TCF3: variants seen among roughly 807,000 people sequenced by gnomAD.
The protein encoded by TCF3 is transcription factor E2-alpha.
Under a neutral mutation model 72.3 loss-of-function variants are expected in TCF3, and 54 were observed. The observed-to-expected ratio is 0.75, with a 90% CI of 0.60 to 0.94. The LOEUF is 0.94. Among genes scored for constraint, TCF3 ranks in the 40% least tolerant of loss-of-function variants. TCF3 has a pLI of 0.00. For missense variants in TCF3, 1,078 were observed against 934.4 expected, an observed-to-expected ratio of 1.15 and a Z score of -2.00; for synonymous variants, 525 against 412.6, an observed-to-expected ratio of 1.27 and a Z score of -3.30.
intron 6 of TCF3, among the ~76,000 whole-genome samples, chr19:1,627,051 G>A (rs1456033962): frequency 6.6e-6 from 1 of 152,190 alleles, no homozygotes; most frequent in Non-Finnish European, 1.5e-5. Context: ...GCTCCCCAGG[G>A]GGTCCACACC....
chr19:1,613,405 C>A (rs2061237050), intron 18 of TCF3, among the ~76,000 whole-genome samples: 1 of 152,130 alleles, frequency 6.6e-6, no homozygotes, highest in South Asian at 2.1e-4. Flanking sequence ...TCTGGGAGCC[C>A]ACAGGGTAAC....
At chr19:1,619,953 C>T in intron 13 of TCF3, 100 bp from the exon 14 acceptor site, 1 of 1,087,778 alleles carries the variant, frequency 9.2e-7, no homozygotes, top group South Asian at 1.5e-5. Context: ...GCCTGTCCAG[C>T]CTCCGGTGAT....
rs902091591 is a variant in TCF3, at chr19:1,609,524, G to A, written c.*2183C>T. ...CAGGAACTGCTGTTTCTTCCTCCTC[G>A]CGCTGGGTGAATCTCGTTTGAATTC... On this transcript the variant is annotated 3_prime_UTR_variant, in exon 19 of 19. Coordinates refer to ENST00000262965, the MANE Select transcript of TCF3 (RefSeq NM_003200.5). 2.8e-5 allele frequency: 6 copies of A among 217,706 alleles called. No homozygotes were observed. The highest frequency in any genetic ancestry group is 6.7e-5 in the East Asian group (1 of 14,904). The allele number at this position is 217,706 out of a possible 1,614,324, so 13.5% of individuals were successfully genotyped here.
chr19:1,619,713 T>TCTCAA, intron 14 of TCF3, 67 bp downstream of exon 14: 1 of 1,207,580 alleles, frequency 8.3e-7, no homozygotes, highest in Non-Finnish European at 1.1e-6. Context: ...GGTTTCTCCT[T>TCTCAA]CTCAAGGAGC....
chr19:1,621,226 G>A (rs1020887645), intron 11 of TCF3, 35 bp from the exon 12 acceptor site: 22 of 1,527,754 alleles, frequency 1.4e-5, no homozygotes, highest in Non-Finnish European at 1.6e-5. Context: ...CACGCAGCCC[G>A]GCCTGGGTGC....
intron 3 of TCF3, among the ~76,000 whole-genome samples, chr19:1,635,009 T>A (rs1205299392): frequency 6.6e-6 from 1 of 152,172 alleles, no homozygotes; most frequent in East Asian, 1.9e-4. Context: ...TTCAGCTGCC[T>A]CTGCACAAGA....
chr19:1,646,896 G>C (rs539566967), intron 2 of TCF3, among the ~76,000 whole-genome samples: 1 of 152,238 alleles, frequency 6.6e-6, no homozygotes, highest in East Asian at 1.9e-4. Context: ...CTGACTCCTC[G>C]TTTCCTGTGT....
rs1599456100 is a variant in TCF3, at chr19:1,614,398, G to A, written c.1822+887C>T. ...CTGAGGTTGCAGCCCAGCCGCTCCC[G>A]GTGCTCGGGCAGCAAGTGCGAGGTG... is the stretch of plus-strand genomic sequence containing the variant. On this transcript the variant is annotated intron_variant, in intron 18 of 18. Coordinates refer to ENST00000262965, the MANE Select transcript of TCF3 (RefSeq NM_003200.5). This position sits in a 1 kb window ranked among gnomAD's most constrained non-coding sequence, Gnocchi z 5.6. 6.6e-6 allele frequency among the ~76,000 whole-genome samples: 1 copy of A among 152,210 alleles called. No homozygotes were observed. The highest frequency in any genetic ancestry group is 2.1e-4 in the South Asian group (1 of 4,834).
rs189057113 is a variant in TCF3 at position 1,642,966 on chromosome 19, C to T, written c.145+3389G>A. On this transcript the variant is annotated intron_variant, in intron 3 of 18. Transcript: ENST00000262965. ...ACAATCGCACGGACAGAGAAAGCGA[C>T]GGGGAAATGAAAAATAGGAAAGAAC... 7.2e-5 allele frequency among the ~76,000 whole-genome samples: 11 copies of T among 152,190 alleles called. No individual in the cohort carries two copies. In the East Asian group the frequency reaches 7.7e-4, roughly 11 times the overall value.
intron 7 of TCF3, 152 bp downstream of exon 7, chr19:1,625,424 C>T (rs1304991747): frequency 9.5e-7 from 1 of 1,054,198 alleles, no homozygotes; most frequent in Non-Finnish European, 1.3e-6. Flanking sequence ...CACCGTCCAT[C>T]CCTCCCACGG....
rs780296151 is a variant in TCF3 at position 1,614,642 on chromosome 19, T to C, written c.1822+643A>G. Among the ~76,000 whole-genome samples, 1 of 151,800 alleles carries C rather than the reference T, an allele frequency of 6.6e-6. No homozygotes were observed. The highest frequency in any genetic ancestry group is 1.5e-5 in the Non-Finnish European group (1 of 67,954). ...TGCAGGAGAGAAAGGGTTAACGGGG[T>C]GCAGGCGAGGAAAGGAAGGAGTTAA... On this transcript the variant is annotated intron_variant, in intron 18 of 18. Coordinates refer to ENST00000262965, the MANE Select transcript of TCF3 (RefSeq NM_003200.5). The surrounding 1 kb of genome is among the most constrained non-coding windows in gnomAD (Gnocchi z 5.6).
At position 1,652,436 on chromosome 19, in the gene TCF3, C is replaced by T. The variant is rs2067276138; in HGVS notation, c.-176G>A. 1.4e-5 allele frequency: 2 copies of T among 143,248 alleles called. No homozygotes were observed. Among genetic ancestry groups the T allele is most frequent in the African/African-American group, 2.5e-5 (1 of 40,040 alleles). The allele number at this position is 143,248 out of a possible 1,614,324, so 8.9% of individuals were successfully genotyped here. On this transcript the variant is annotated 5_prime_UTR_variant, in exon 1 of 19. Coordinates refer to ENST00000262965, the MANE Select transcript of TCF3 (RefSeq NM_003200.5). The stretch of plus-strand genomic sequence containing the variant: ...GGGCGGCGGCGGCGGCGCGCGTGGC[C>T]CGGGCCCCTCCCACCCCCGCGTGGC...
chr19:1,632,461 A>T, intron 3 of TCF3, 56 bp from the exon 4 acceptor site: 1 of 1,525,834 alleles, frequency 6.6e-7, no homozygotes, highest in Admixed American at 2.0e-5. Flanking sequence ...CAGCTCTAAA[A>T]GCTTCGGTTC....
chr19:1,648,988 C>A lies in TCF3; in HGVS notation c.72+1189G>T, dbSNP rs374669446. Among the ~76,000 whole-genome samples, 98 of 152,354 alleles carry A rather than the reference C, an allele frequency of 6.4e-4. 3 individuals carry two copies. The South Asian group carries it at 0.019, about 30-fold the overall frequency. On this transcript the variant is annotated intron_variant, in intron 2 of 18. Coordinates refer to ENST00000262965, the MANE Select transcript of TCF3 (RefSeq NM_003200.5). ...CGTCAGCGGCCGGTACCCCAGGGGG[C>A]TCCGGCATTCCAGCCTCACTGCACC...
rs759295960 is a variant in TCF3 at position 1,622,320 on chromosome 19, G to A, written c.645C>T (p.Tyr215=). ...TPSSTYPAPF[Y]VADGSLHPSA... is the part of the protein sequence containing the mutation. ...CCCCGCCCTGCCATGTACCTGCCACGTAGAAGGGGGCGGGATAGGTGCTGC... is the reference window on the plus strand; with the variant it reads ...CCCCGCCCTGCCATGTACCTGCCACATAGAAGGGGGCGGGATAGGTGCTGC... Residue 215 remains tyrosine (Y), a synonymous_variant, in exon 9 of 19, where the codon TAC becomes TAT. Coordinates refer to ENST00000262965, the MANE Select transcript of TCF3 (RefSeq NM_003200.5). 1.0e-5 allele frequency: 16 copies of A among 1,529,560 alleles called. No individual in the cohort carries two copies. The highest frequency in any genetic ancestry group is 1.0e-4 in the Admixed American group (5 of 49,866). 94.7% of individuals were successfully genotyped at this position (1,529,560 alleles called of 1,614,324 possible).
intron 3 of TCF3, among the ~76,000 whole-genome samples, chr19:1,633,950 C>T (rs1007105829): frequency 1.3e-5 from 2 of 152,180 alleles, no homozygotes; most frequent in Non-Finnish European, 2.9e-5. Context: ...TAGCCAGTAC[C>T]CCAGGAGGTG....
At position 1,625,660 on chromosome 19, in the gene TCF3, A is replaced by C; in HGVS notation, c.415T>G (p.Ser139Ala). 2.6e-6 allele frequency: 4 copies of C among 1,536,786 alleles called. No individual in the cohort carries two copies. Among genetic ancestry groups the C allele is most frequent in the Non-Finnish European group, 3.5e-6 (4 of 1,148,214 alleles). The part of the protein sequence containing the change: ...ELALNSPGPL[S>A]PSGMKGTSQY... ...GAGGTCCCCTTCATGCCCGAAGGGG[A>C]CAGGGGCCCGGGGCTGTTGAGGGCC... The change falls in exon 7 of 19, where the codon TCC becomes GCC. Residue 139 changes from serine to alanine, a missense_variant. Transcript: ENST00000262965.
intron 6 of TCF3, among the ~76,000 whole-genome samples, chr19:1,626,582 C>T (rs993812015): frequency 2.6e-5 from 4 of 152,150 alleles, no homozygotes; most frequent in Non-Finnish European, 4.4e-5. Flanking sequence ...CCGCGGGGCT[C>T]GATGAGTCAC....
chr19:1,651,060 T>A (rs978992996), intron 1 of TCF3: 5 of 231,992 alleles, frequency 2.2e-5, no homozygotes, highest in African/African-American at 1.1e-4. Flanking sequence ...CTGCCCTCCA[T>A]GAGCGGGGAG....
Sources: gnomAD v4.1 joint callset for allele counts (sites outside exome capture counted in the v4.1 genomes callset) on GRCh38, gnomAD v4.1.1 for gene constraint, Gnocchi (gnomAD v3.1) non-coding constraint, MANE v1.5 for transcripts, NCBI Gene and HGNC (gene_info 2026-07-23, HGNC 2026-07-21) for gene names.